Variants in CDK13 observed in about 807,000 individuals in gnomAD.
CDK13 encodes the protein cyclin-dependent kinase 13.
A neutral mutation model predicts 137.6 loss-of-function variants in CDK13; 40 were observed. The ratio of observed to expected loss-of-function variants is 0.29; its 90% CI spans 0.23 to 0.38. CDK13 has a LOEUF of 0.38. Among genes scored for constraint, CDK13 ranks in the 10% least tolerant of loss-of-function variants. The pLI, the probability that CDK13 is intolerant of heterozygous loss-of-function variation, is 1.00. For synonymous variants in CDK13, 869 were observed against 760.1 expected (o/e 1.14, Z -2.36); for missense variants, 1,704 against 1,951.8 (o/e 0.87, Z 2.39).
In CDK13 at chr7:39,950,566, C is replaced by T. The variant is rs1182766302; in HGVS notation, c.-76C>T. Reference sequence around the variant, plus strand: ...TGTCCCTCCGCCGCCGCTCCCGTTTCCGGCGGGGGAGATGGCCAGGATCTG... The same window carrying T: ...TGTCCCTCCGCCGCCGCTCCCGTTTTCGGCGGGGGAGATGGCCAGGATCTG... On this transcript the variant is annotated 5_prime_UTR_variant, in exon 1 of 14. Coordinates refer to ENST00000181839, the MANE Select transcript of CDK13 (RefSeq NM_003718.5). 10 of 1,272,324 alleles carry T rather than the reference C, an allele frequency of 7.9e-6. No homozygotes were observed. The highest frequency in any genetic ancestry group is 9.9e-6 in the Non-Finnish European group (10 of 1,009,628). 78.8% of individuals were successfully genotyped at this position (1,272,324 alleles called of 1,614,324 possible).
chr7:39,990,660 A>G (rs1784437798), intron 2 of CDK13, among the ~76,000 whole-genome samples: 2 of 152,230 alleles, frequency 1.3e-5, no homozygotes, highest in Admixed American at 1.3e-4. Flanking sequence ...GGGCTGTAGT[A>G]GAAAGCTTAG....
chr7:39,950,615 G>C lies in CDK13; in HGVS notation c.-27G>C. 1 of 1,288,708 alleles carries C rather than the reference G, an allele frequency of 7.8e-7. No individual in the cohort carries two copies. The highest frequency in any genetic ancestry group is 3.1e-5 in the East Asian group (1 of 31,822). The allele number at this position is 1,288,708 out of a possible 1,614,324, so 79.8% of individuals were successfully genotyped here. ...TGACCCGGGAGGAGGCCGCACCCGC[G>C]CCGCGCTCTGCGGCTGGCTCTAGGC... On this transcript the variant is annotated 5_prime_UTR_variant, in exon 1 of 14. Transcript: ENST00000181839.
At position 40,045,905 on chromosome 7, in the gene CDK13, A is replaced by G. The variant is rs1409968569; in HGVS notation, c.2423A>G (p.His808Arg). 3 of 1,613,286 alleles carry G rather than the reference A, an allele frequency of 1.9e-6. No homozygotes were observed. The highest frequency in any genetic ancestry group is 2.5e-6 in the Non-Finnish European group (3 of 1,179,440). Reference protein sequence around the residue: ...LMGLLESGLVHFNENHIKSFM... With the variant: ...LMGLLESGLVRFNENHIKSFM... ...GGACTACTGGAATCAGGCTTGGTTC[A>G]TTTTAATGAAAATCACATAAAGTCA... Residue 808 changes from histidine (H) to arginine (R), a missense_variant, in exon 6 of 14, where the codon CAT becomes CGT. By Grantham distance (29) the His-to-Arg change is conservative (BLOSUM62 0). This residue lies in a region of CDK13 where 130 missense variants were observed against 362.4 expected (regional missense o/e 0.36). Transcript: ENST00000181839.
intron 9 of CDK13, among the ~76,000 whole-genome samples, chr7:40,067,092 A>G (rs1786296770): frequency 6.6e-6 from 1 of 152,198 alleles, no homozygotes; most frequent in Non-Finnish European, 1.5e-5. Context: ...GAATTATCTC[A>G]GTTAAGCTTC....
rs762808260 is a variant in CDK13, at chr7:40,022,138, G to T, written c.2353+20107G>T. On this transcript the variant is annotated intron_variant, in intron 5 of 13. Coordinates refer to ENST00000181839, the MANE Select transcript of CDK13 (RefSeq NM_003718.5). ...GGTCTTAAGTTTTCAGCATTCGAAG[G>T]TTTGAGGACCAGAGTTTTCTTAGGG... Among the ~76,000 whole-genome samples, 55 of 152,172 alleles carry T rather than the reference G, an allele frequency of 3.6e-4. 1 individual carries two copies. Among genetic ancestry groups the T allele is most frequent in the Non-Finnish European group, 6.9e-4 (47 of 68,026 alleles).
chr7:39,972,966 T>G (rs1784031406), intron 1 of CDK13, among the ~76,000 whole-genome samples: 1 of 152,232 alleles, frequency 6.6e-6, no homozygotes, highest in Non-Finnish European at 1.5e-5. Context: ...AAGAGTTGTC[T>G]TTTTGATTGT....
At chr7:39,992,561 C>T (rs191174863) in intron 2 of CDK13, among the ~76,000 whole-genome samples, 1 of 151,828 alleles carries the variant, frequency 6.6e-6, no homozygotes, top group African/African-American at 2.4e-5. Flanking sequence ...AGGTCAGTCT[C>T]CTGCTTGATC....
intron 1 of CDK13, among the ~76,000 whole-genome samples, chr7:39,954,478 A>G (rs912550723): frequency 1.3e-5 from 2 of 151,990 alleles, no homozygotes; most frequent in African/African-American, 4.8e-5. Flanking sequence ...TGTCTTATCC[A>G]TCATTGTATT....
Position 40,078,792 on chromosome 7 carries a change from A to T in CDK13, c.2970A>T (p.Glu990Asp). ...ALDPSKRCTA[E>D]QALQCEFLRD... The stretch of plus-strand genomic sequence containing the variant: ...ATCCTAGTAAGCGCTGCACTGCTGA[A>T]CAGGCTCTTCAGTGCGAGTTCCTCC... Residue 990 changes from glutamate (E) to aspartate (D), a missense_variant, in exon 11 of 14, where the codon GAA becomes GAT. Physicochemically the swap from Glu to Asp is conservative, Grantham distance 45. Coordinates refer to ENST00000181839, the MANE Select transcript of CDK13 (RefSeq NM_003718.5). 1 of 1,549,746 alleles carries T rather than the reference A, an allele frequency of 6.5e-7. No homozygotes were observed. The highest frequency in any genetic ancestry group is 8.7e-7 in the Non-Finnish European group (1 of 1,145,052).
At chr7:40,063,356 A>G (rs1786198279) in intron 9 of CDK13, among the ~76,000 whole-genome samples, 1 of 152,318 alleles carries the variant, frequency 6.6e-6, no homozygotes, top group Admixed American at 6.5e-5. Context: ...TTTTTAAGTC[A>G]AAGGACTTGA....
chr7:40,073,447 C>A (rs1328582285), intron 9 of CDK13, among the ~76,000 whole-genome samples: 4 of 152,226 alleles, frequency 2.6e-5, no homozygotes, highest in African/African-American at 9.6e-5. Flanking sequence ...CAAGGTTGCA[C>A]TGAGCCTTGT....
chr7:39,966,525 G>C (rs189867883), intron 1 of CDK13, among the ~76,000 whole-genome samples: 260 of 152,056 alleles, frequency 1.7e-3, no homozygotes, highest in African/African-American at 5.0e-3. Context: ...TTTTTTTCAA[G>C]GTTTTTAACT....
In CDK13 at chr7:39,950,596, G is replaced by A. The variant is rs1466024985; in HGVS notation, c.-46G>A. 1 of 1,292,496 alleles carries A rather than the reference G, an allele frequency of 7.7e-7. No homozygotes were observed. The highest frequency in any genetic ancestry group is 9.8e-7 in the Non-Finnish European group (1 of 1,021,002). The allele number at this position is 1,292,496 out of a possible 1,614,324, so 80.1% of individuals were successfully genotyped here. On this transcript the variant is annotated 5_prime_UTR_variant, in exon 1 of 14. Transcript: ENST00000181839. ...GGGGGAGATGGCCAGGATCTGACCCGGGAGGAGGCCGCACCCGCGCCGCGC... is the reference window on the plus strand; with the variant it reads ...GGGGGAGATGGCCAGGATCTGACCCAGGAGGAGGCCGCACCCGCGCCGCGC...
intron 1 of CDK13, among the ~76,000 whole-genome samples, chr7:39,977,131 C>T (rs1397067018): frequency 6.6e-6 from 1 of 152,080 alleles, no homozygotes; most frequent in African/African-American, 2.4e-5. Flanking sequence ...TTATGCTAGT[C>T]CTTGAGAGAT....
intron 12 of CDK13, among the ~76,000 whole-genome samples, chr7:40,091,394 G>A (rs1044431021): frequency 2.6e-5 from 4 of 152,020 alleles, no homozygotes; most frequent in Admixed American, 6.6e-5. Context: ...GGTGGCACGC[G>A]CCTGTAATCC....
intron 11 of CDK13, among the ~76,000 whole-genome samples, chr7:40,085,966 T>G (rs1365975339): frequency 1.3e-5 from 2 of 152,178 alleles, no homozygotes; most frequent in Admixed American, 1.3e-4. Flanking sequence ...CCCACCAACC[T>G]ATCCCCTTGC....
At chr7:39,968,791 T>C (rs939129012) in intron 1 of CDK13, among the ~76,000 whole-genome samples, 1 of 152,204 alleles carries the variant, frequency 6.6e-6, no homozygotes, top group Non-Finnish European at 1.5e-5. Context: ...TTGGGATCTT[T>C]TGAGGGTTTG....
chr7:40,044,983 A>G (rs1785703902), intron 5 of CDK13, among the ~76,000 whole-genome samples: 1 of 152,026 alleles, frequency 6.6e-6, no homozygotes, highest in Admixed American at 6.6e-5. Context: ...TAAATATGAC[A>G]TTGGTTGTTG....
At chr7:40,086,216 A>G (rs569349570) in intron 11 of CDK13, among the ~76,000 whole-genome samples, 1 of 152,336 alleles carries the variant, frequency 6.6e-6, no homozygotes, top group South Asian at 2.1e-4. Context: ...GAGGAGATGT[A>G]AAAGAACTTG....
Sources: gnomAD v4.1 joint callset for allele counts (sites outside exome capture counted in the v4.1 genomes callset) on GRCh38, gnomAD v4.1.1 for gene constraint, gnomAD v4.1.1 regional missense constraint, MANE v1.5 for transcripts, NCBI Gene and HGNC (gene_info 2026-07-23, HGNC 2026-07-21) for gene names.